Variants in GRM8 observed in about 807,000 individuals in gnomAD.
The protein encoded by GRM8 is metabotropic glutamate receptor 8.
Under a neutral mutation model 87.2 loss-of-function variants are expected in GRM8, and 47 were observed. That is an observed-to-expected ratio of 0.54 (90% confidence interval 0.43 to 0.69). The LOEUF is 0.69. Among genes scored for constraint, GRM8 ranks in the 30% least tolerant of loss-of-function variants. The pLI is 0.00. For missense variants in GRM8, 1,019 were observed against 1,139.2 expected (o/e 0.89, Z 1.52); for synonymous variants, 396 against 404.5 (o/e 0.98, Z 0.25).
At chr7:126,680,685 G>A (rs1807447096) in intron 7 of GRM8, among the ~76,000 whole-genome samples, 1 of 152,120 alleles carries the variant, frequency 6.6e-6, no homozygotes, top group South Asian at 2.1e-4. Context: ...TTGTCTATCT[G>A]CCCTGGTGCA....
intron 6 of GRM8, among the ~76,000 whole-genome samples, chr7:126,829,219 T>C (rs373327311): frequency 1.4e-5 from 2 of 147,654 alleles, no homozygotes; most frequent in East Asian, 2.0e-4. Flanking sequence ...CTATTAGGTC[T>C]GCTTGGTGCA....
chr7:126,780,402 G>A (rs564854152), intron 6 of GRM8, among the ~76,000 whole-genome samples: 1 of 152,282 alleles, frequency 6.6e-6, no homozygotes, highest in South Asian at 2.1e-4. Context: ...AGTCAGAAGA[G>A]TGTTGAAAAG....
At chr7:126,532,699 T>A (rs886799655) in intron 9 of GRM8, among the ~76,000 whole-genome samples, 12 of 149,592 alleles carry the variant, frequency 8.0e-5, no homozygotes, top group Non-Finnish European at 1.3e-4. Flanking sequence ...CACATTAAAG[T>A]GTTTTTCATG....
intron 7 of GRM8, among the ~76,000 whole-genome samples, chr7:126,646,709 G>A (rs935963434): frequency 6.6e-6 from 1 of 152,142 alleles, no homozygotes; most frequent in Non-Finnish European, 1.5e-5. Context: ...AATAAAATGA[G>A]GATAGCAATT....
At chr7:126,492,185 G>A (rs1319003208) in intron 9 of GRM8, among the ~76,000 whole-genome samples, 1 of 151,926 alleles carries the variant, frequency 6.6e-6, no homozygotes, top group Non-Finnish European at 1.5e-5. Context: ...CAAGTAGCTG[G>A]GACTATAGGC....
At chr7:126,965,806 G>A (rs1485697502) in intron 3 of GRM8, among the ~76,000 whole-genome samples, 2 of 152,016 alleles carry the variant, frequency 1.3e-5, no homozygotes, top group Non-Finnish European at 2.9e-5. Flanking sequence ...TTGGCACACT[G>A]TGGACATTAG....
At chr7:126,594,883 C>T (rs1435331094) in intron 8 of GRM8, among the ~76,000 whole-genome samples, 1 of 152,036 alleles carries the variant, frequency 6.6e-6, no homozygotes, top group Non-Finnish European at 1.5e-5. Context: ...AGTTCTGAGA[C>T]AAGACATCAC....
intron 3 of GRM8, among the ~76,000 whole-genome samples, chr7:127,024,099 TG>T (rs1200125109): frequency 2.0e-5 from 3 of 152,122 alleles, no homozygotes; most frequent in Admixed American, 2.0e-4. Flanking sequence ...AATATGGAAC[TG>T]GTTTTACATC....
intron 3 of GRM8, among the ~76,000 whole-genome samples, chr7:126,931,268 A>C (rs913380960): frequency 6.6e-5 from 10 of 152,322 alleles, no homozygotes; most frequent in African/African-American, 1.9e-4. Context: ...TTCTCTTCCA[A>C]ATACAAATTC....
intron 6 of GRM8, among the ~76,000 whole-genome samples, chr7:126,897,438 G>A (rs1801650077): frequency 6.6e-6 from 1 of 152,086 alleles, no homozygotes; most frequent in East Asian, 1.9e-4. Context: ...TGTGGCAGAG[G>A]ACTGAGTGGG....
intron 8 of GRM8, among the ~76,000 whole-genome samples, chr7:126,605,930 T>C (rs1325218104): frequency 1.3e-5 from 2 of 152,188 alleles, no homozygotes; most frequent in Non-Finnish European, 2.9e-5. Flanking sequence ...TTGTCTCTCC[T>C]TCTAATCTGT....
intron 3 of GRM8, among the ~76,000 whole-genome samples, chr7:126,965,915 T>C (rs1809804581): frequency 6.6e-6 from 1 of 152,032 alleles, no homozygotes; most frequent in Non-Finnish European, 1.5e-5. Flanking sequence ...TGCCAGACTG[T>C]GAGCTACCTA....
chr7:126,624,385 T>C (rs1160576667), intron 7 of GRM8, among the ~76,000 whole-genome samples: 5 of 152,214 alleles, frequency 3.3e-5, no homozygotes, highest in African/African-American at 7.2e-5. Flanking sequence ...ATCTTCTGAC[T>C]GGCTTCTTTC....
At chr7:127,141,279 G>A (rs1828242681) in intron 2 of GRM8, among the ~76,000 whole-genome samples, 1 of 152,014 alleles carries the variant, frequency 6.6e-6, no homozygotes, top group South Asian at 2.1e-4. Flanking sequence ...TCCAGGTCCA[G>A]ATCTTGGCTC....
intron 2 of GRM8, among the ~76,000 whole-genome samples, chr7:127,112,000 G>A (rs919383807): frequency 2.7e-5 from 4 of 147,402 alleles, no homozygotes; most frequent in Admixed American, 1.4e-4. Context: ...TGCAATCCTG[G>A]GCACCAAGAG....
At chr7:127,203,847 A>G (rs1795754260) in intron 2 of GRM8, among the ~76,000 whole-genome samples, 1 of 152,134 alleles carries the variant, frequency 6.6e-6, no homozygotes, top group Non-Finnish European at 1.5e-5. Flanking sequence ...AAAGGAAGAA[A>G]AAGGGAGTGG....
At chr7:126,736,425 T>C (rs1015351650) in intron 7 of GRM8, among the ~76,000 whole-genome samples, 5 of 152,082 alleles carry the variant, frequency 3.3e-5, no homozygotes, top group African/African-American at 1.2e-4. Context: ...CCATTTGTCA[T>C]GCTTGATATA....
intron 8 of GRM8, among the ~76,000 whole-genome samples, chr7:126,608,424 G>A (rs762442370): frequency 6.6e-6 from 1 of 152,178 alleles, no homozygotes; most frequent in Non-Finnish European, 1.5e-5. Context: ...CTGGGTGATG[G>A]TGCGGCACCT....
chr7:126,986,288 G>T (rs1812058694), intron 3 of GRM8, among the ~76,000 whole-genome samples: 1 of 152,062 alleles, frequency 6.6e-6, no homozygotes, highest in Non-Finnish European at 1.5e-5. Flanking sequence ...GGGATTACAG[G>T]CTTGAGTCAC....
Sources: gnomAD v4.1 joint callset for allele counts (sites outside exome capture counted in the v4.1 genomes callset) on GRCh38, gnomAD v4.1.1 for gene constraint, MANE v1.5 for transcripts, NCBI Gene and HGNC (gene_info 2026-07-23, HGNC 2026-07-21) for gene names.